Variants in ROBO1 observed in about 807,000 individuals in gnomAD.
ROBO1 encodes roundabout homolog 1.
A neutral mutation model predicts 195.9 loss-of-function variants in ROBO1; 149 were observed. The ratio of observed to expected loss-of-function variants is 0.76; its 90% CI spans 0.67 to 0.87. The LOEUF is 0.87. Ranked by LOEUF, ROBO1 falls within the 40% of genes least tolerant of loss-of-function variation. The pLI, the probability that ROBO1 is intolerant of heterozygous loss-of-function variation, is 0.00. For missense variants in ROBO1, 1,933 were observed against 2,068.3 expected, an observed-to-expected ratio of 0.93 and a Z score of 1.27; for synonymous variants, 816 against 733.2, an observed-to-expected ratio of 1.11 and a Z score of -1.82.
intron 2 of ROBO1, among the ~76,000 whole-genome samples, chr3:79,165,665 A>C (rs2081050945): frequency 6.6e-6 from 1 of 152,186 alleles, no homozygotes; most frequent in South Asian, 2.1e-4. Context: ...TTTTACCCTA[A>C]AGAAATAGCC....
At chr3:79,208,927 A>T (rs961031460) in intron 2 of ROBO1, among the ~76,000 whole-genome samples, 8 of 152,168 alleles carry the variant, frequency 5.3e-5, no homozygotes, top group Admixed American at 2.6e-4. Flanking sequence ...CAATGAAGTC[A>T]GCTTACTCTC....
At chr3:78,773,239 A>T (rs1300622455) in intron 4 of ROBO1, among the ~76,000 whole-genome samples, 5 of 152,104 alleles carry the variant, frequency 3.3e-5, no homozygotes, top group African/African-American at 1.2e-4. Flanking sequence ...AGGTACAAAA[A>T]AATCAAGATA....
chr3:78,675,459 C>T (rs1708356157), intron 10 of ROBO1, among the ~76,000 whole-genome samples: 1 of 152,174 alleles, frequency 6.6e-6, no homozygotes, highest in Non-Finnish European at 1.5e-5. Flanking sequence ...GGGTCACTCC[C>T]ACCCTAATAC....
intron 28 of ROBO1, 75 bp downstream of exon 28, chr3:78,614,573 G>A (rs1703994613): frequency 2.1e-6 from 3 of 1,441,846 alleles, no homozygotes; most frequent in Non-Finnish European, 2.8e-6. Context: ...GTCAGTGAAT[G>A]CATTTGCTAG....
At chr3:79,585,633 CATTCTT>C (rs1309099376) in intron 2 of ROBO1, among the ~76,000 whole-genome samples, 1 of 151,912 alleles carries the variant, frequency 6.6e-6, no homozygotes, top group Non-Finnish European at 1.5e-5. Context: ...AGAGAATAAA[CATTCTT>C]TAAGTGTACT....
At chr3:78,641,347 G>A (rs764136922) in intron 21 of ROBO1, among the ~76,000 whole-genome samples, 31 of 152,092 alleles carry the variant, frequency 2.0e-4, no homozygotes, top group Non-Finnish European at 3.5e-4. Context: ...CACATACACT[G>A]GAGAGTACTA....
At chr3:79,481,099 A>C (rs544767427) in intron 2 of ROBO1, among the ~76,000 whole-genome samples, 1 of 152,264 alleles carries the variant, frequency 6.6e-6, no homozygotes, top group East Asian at 1.9e-4. Flanking sequence ...CATAATTTAT[A>C]ATGTATTCTA....
In ROBO1 at chr3:78,598,865, CT is replaced by C; in HGVS notation, c.*47del. 1 of 1,397,666 alleles carries C rather than the reference CT, an allele frequency of 7.2e-7. No homozygotes were observed. Among genetic ancestry groups the C allele is most frequent in the Non-Finnish European group, 9.9e-7 (1 of 1,014,078 alleles). 86.6% of individuals were successfully genotyped at this position (1,397,666 alleles called of 1,614,324 possible). A position where few individuals can be genotyped will look rare whatever the true frequency, so the allele number is the denominator to read the frequency against. On this transcript the variant is annotated 3_prime_UTR_variant, in exon 31 of 31. Transcript: ENST00000464233. ...TCATGTGTCATCTGACAGGAGGCAT[CT>C]TGAGTGATGATTTTCACATTAGATC...
At chr3:78,707,307 G>T (rs904561142) in intron 8 of ROBO1, among the ~76,000 whole-genome samples, 1 of 152,094 alleles carries the variant, frequency 6.6e-6, no homozygotes, top group Non-Finnish European at 1.5e-5. Flanking sequence ...CTCCCCTATT[G>T]CATGTCAGTC....
In ROBO1 at chr3:79,344,272, G is replaced by T. The variant is rs544023259; in HGVS notation, c.89-218733C>A. Among the ~76,000 whole-genome samples the T allele has an allele frequency of 2.7e-4, 41 of 152,230 alleles. 1 individual carries two copies. The South Asian group carries it at 8.3e-3, about 31-fold the overall frequency. ...TGATTTTGTCTTTTGGGGACATTCC[G>T]TAACATTTGGAGACAATTGTGATGG... On this transcript the variant is annotated intron_variant, in intron 2 of 30. Coordinates refer to ENST00000464233, the MANE Select transcript of ROBO1 (RefSeq NM_002941.4).
At chr3:79,202,414 A>G (rs1200914671) in intron 2 of ROBO1, among the ~76,000 whole-genome samples, 1 of 152,116 alleles carries the variant, frequency 6.6e-6, no homozygotes, top group East Asian at 1.9e-4. Context: ...AAATTCACAG[A>G]AAAGGGTTAT....
intron 4 of ROBO1, among the ~76,000 whole-genome samples, chr3:78,789,518 G>A (rs1017915541): frequency 1.4e-4 from 21 of 152,058 alleles, no homozygotes; most frequent in African/African-American, 5.1e-4. Context: ...AATAAATAAT[G>A]CCTTTAAAAT....
At chr3:78,682,590 G>C (rs1174684499) in intron 10 of ROBO1, among the ~76,000 whole-genome samples, 2 of 146,590 alleles carry the variant, frequency 1.4e-5, no homozygotes, top group Non-Finnish European at 3.0e-5. Context: ...ACAGAGTCAT[G>C]TCAAAAAATT....
intron 1 of ROBO1, among the ~76,000 whole-genome samples, chr3:79,765,358 C>T (rs1299128410): frequency 2.0e-5 from 3 of 152,186 alleles, no homozygotes; most frequent in Admixed American, 2.0e-4. Context: ...GATATCTGCT[C>T]CGAGCTGCTG....
At chr3:79,625,976 G>A (rs1180326403) in intron 1 of ROBO1, among the ~76,000 whole-genome samples, 1 of 152,088 alleles carries the variant, frequency 6.6e-6, no homozygotes, top group Admixed American at 6.5e-5. Context: ...CTGGCCAACC[G>A]AATCCAGCAG....
intron 2 of ROBO1, among the ~76,000 whole-genome samples, chr3:79,281,188 C>A (rs938765873): frequency 1.3e-5 from 2 of 152,074 alleles, no homozygotes; most frequent in Non-Finnish European, 1.5e-5. Context: ...TAGGAGAAAT[C>A]TGTATTAGGA....
intron 2 of ROBO1, among the ~76,000 whole-genome samples, chr3:79,239,312 A>G (rs891321045): frequency 6.6e-6 from 1 of 152,248 alleles, no homozygotes; most frequent in Non-Finnish European, 1.5e-5. Flanking sequence ...AACAAATTAC[A>G]TAAAAACAAA....
intron 1 of ROBO1, among the ~76,000 whole-genome samples, chr3:79,675,859 G>A (rs1946769016): frequency 1.3e-5 from 2 of 152,032 alleles, no homozygotes; most frequent in Non-Finnish European, 2.9e-5. Context: ...GTTTCTATCA[G>A]GTTCAGAACA....
chr3:78,604,657 T>TACAAATTA (rs1703366228), intron 29 of ROBO1, among the ~76,000 whole-genome samples: 1 of 152,194 alleles, frequency 6.6e-6, no homozygotes, highest in Non-Finnish European at 1.5e-5. Flanking sequence ...AGTCTATGCC[T>TACAAATTA]GGATTAGGAG....
Sources: gnomAD v4.1 joint callset for allele counts (sites outside exome capture counted in the v4.1 genomes callset) on GRCh38, gnomAD v4.1.1 for gene constraint, MANE v1.5 for transcripts, NCBI Gene and HGNC (gene_info 2026-07-23, HGNC 2026-07-21) for gene names.